Variants in SLC8A3 observed in about 807,000 individuals in gnomAD.
SLC8A3 encodes the protein sodium/calcium exchanger 3.
SLC8A3 carries 37 observed loss-of-function variants against 65.4 expected under a neutral mutation model. The ratio of observed to expected loss-of-function variants is 0.57; its 90% CI spans 0.44 to 0.74. SLC8A3 has a LOEUF of 0.74. Ranked by LOEUF, SLC8A3 falls within the 30% of genes least tolerant of loss-of-function variation. The probability of loss-of-function intolerance (pLI) is 0.00; values close to 1 mark genes in which losing one functional copy is unlikely to be tolerated. For synonymous variants in SLC8A3, 461 were observed against 444.5 expected (o/e 1.04, Z -0.47); for missense variants, 1,112 against 1,172.1 (o/e 0.95, Z 0.75).
At chr14:70,121,370 A>C (rs17175527) in intron 2 of SLC8A3, among the ~76,000 whole-genome samples, 16,096 of 151,490 alleles carry the variant, frequency 0.11, 1,147 homozygotes, top group Non-Finnish European at 0.16. Context: ...TGCTTCAAAA[A>C]CCTCTGGATT....
intron 1 of SLC8A3, among the ~76,000 whole-genome samples, chr14:70,171,258 T>G (rs1033968322): frequency 2.0e-4 from 30 of 152,150 alleles, no homozygotes; most frequent in African/African-American, 7.2e-4. Flanking sequence ...AGAGCCGGTC[T>G]TCCAGAGTGA....
chr14:70,105,152 A>G (rs1462701526), intron 2 of SLC8A3, among the ~76,000 whole-genome samples: 1 of 151,962 alleles, frequency 6.6e-6, no homozygotes, highest in Non-Finnish European at 1.5e-5. Flanking sequence ...ACGTGGTGAA[A>G]CCCCGTCTCT....
At chr14:70,186,180 CT>C (rs1390930849) in intron 1 of SLC8A3, among the ~76,000 whole-genome samples, 5 of 151,096 alleles carry the variant, frequency 3.3e-5, no homozygotes, top group South Asian at 2.1e-4. Flanking sequence ...GCTTTTCCCC[CT>C]TTTTTTCGTC....
chr14:70,167,999 C>G lies in SLC8A3; in HGVS notation c.424G>C (p.Gly142Arg). 1 of 1,614,074 alleles carries G rather than the reference C, an allele frequency of 6.2e-7. No homozygotes were observed. Among genetic ancestry groups the G allele is most frequent in the Non-Finnish European group, 8.5e-7 (1 of 1,180,004 alleles). The change falls in exon 2 of 7, where the codon GGT (glycine) becomes CGT (arginine). Residue 142 changes from glycine to arginine, a missense_variant. Gly to Arg is a moderately radical substitution (Grantham distance 125). Coordinates refer to ENST00000356921, the MANE Select transcript of SLC8A3 (RefSeq NM_182932.3). ...TVSNLTLMAL[G>R]SSAPEILLSL... ...AGGAGTATCTCAGGAGCAGAGGAAC[C>G]CAGGGCCATAAGGGTCAGGTTGGAG...
intron 2 of SLC8A3, among the ~76,000 whole-genome samples, chr14:70,154,305 A>G (rs1458235695): frequency 6.6e-6 from 1 of 152,242 alleles, no homozygotes; most frequent in African/African-American, 2.4e-5. Context: ...TATTTTTATT[A>G]TTAAAGAAAT....
At position 70,085,382 on chromosome 14, in the gene SLC8A3, T is replaced by C. The variant is rs186684576; in HGVS notation, c.1785-24443A>G. On this transcript the variant is annotated intron_variant, in intron 2 of 6. Coordinates refer to ENST00000356921, the MANE Select transcript of SLC8A3 (RefSeq NM_182932.3). ...TTCCTTCTATGCATTCTCCTTGGACTGTACTGGTATTGCCATGAAGGTGAA... is the reference window on the plus strand; with the variant it reads ...TTCCTTCTATGCATTCTCCTTGGACCGTACTGGTATTGCCATGAAGGTGAA... 4.2e-3 allele frequency among the ~76,000 whole-genome samples: 647 copies of C among 152,350 alleles called. 2 individuals carry two copies. Among genetic ancestry groups the C allele is most frequent in the Non-Finnish European group, 7.2e-3 (491 of 68,028 alleles).
chr14:70,163,490 C>T (rs986132638), intron 2 of SLC8A3, among the ~76,000 whole-genome samples: 5 of 152,082 alleles, frequency 3.3e-5, no homozygotes, highest in Non-Finnish European at 7.4e-5. Context: ...TTCAATACTA[C>T]CAGGCTTGGT....
chr14:70,172,150 T>TC (rs1897586896), intron 1 of SLC8A3, among the ~76,000 whole-genome samples: 1 of 151,172 alleles, frequency 6.6e-6, no homozygotes, highest in African/African-American at 2.5e-5. Flanking sequence ...TTGAGATCTT[T>TC]TCCCCCACCC....
In SLC8A3 at chr14:70,168,468, C is replaced by T. The variant is rs1313246109; in HGVS notation, c.-46G>A. The T allele has an allele frequency of 6.7e-7, 1 of 1,487,508 alleles. No homozygotes were observed. Among genetic ancestry groups the T allele is most frequent in the East Asian group, 2.3e-5 (1 of 43,174 alleles). The allele number at this position is 1,487,508 out of a possible 1,614,324, so 92.1% of individuals were successfully genotyped here. A position where few individuals can be genotyped will look rare whatever the true frequency, so the allele number is the denominator to read the frequency against. ...CTTCTATTGCAGCACCAGTTGTCCT[C>T]CTGATAGGCCAGAGACCTAGAAAAG... On this transcript the variant is annotated 5_prime_UTR_variant, in exon 2 of 7. Coordinates refer to ENST00000356921, the MANE Select transcript of SLC8A3 (RefSeq NM_182932.3).
intron 2 of SLC8A3, among the ~76,000 whole-genome samples, chr14:70,095,143 G>A (rs1460386882): frequency 1.3e-5 from 2 of 152,226 alleles, no homozygotes; most frequent in Admixed American, 6.5e-5. Flanking sequence ...TTTTGGAGAT[G>A]AGTATTCAAA....
chr14:70,159,403 ACT>A (rs1313957862), intron 2 of SLC8A3, among the ~76,000 whole-genome samples: 1 of 101,358 alleles, frequency 9.9e-6, no homozygotes, highest in African/African-American at 3.9e-5. Flanking sequence ...ACAGAGCAAG[ACT>A]CTGTCAAAAA....
chr14:70,184,204 T>C (rs1029632744), intron 1 of SLC8A3, among the ~76,000 whole-genome samples: 4 of 152,142 alleles, frequency 2.6e-5, no homozygotes, highest in Admixed American at 6.5e-5. Context: ...GCCGGGACCA[T>C]ACACCTGGGT....
rs572397946 is a variant in SLC8A3, at chr14:70,101,965, C to A, written c.1785-41026G>T. Among the ~76,000 whole-genome samples, 5 of 152,250 alleles carry A rather than the reference C, an allele frequency of 3.3e-5. No individual in the cohort carries two copies. In the South Asian group the frequency reaches 1.0e-3, roughly 32 times the overall value. ...AAGATAGGGTCCCTAGAAAAGGAGG[C>A]TATACTTGACGTTTAGCTTCCTAAA... On this transcript the variant is annotated intron_variant, in intron 2 of 6. Transcript: ENST00000356921.
intron 2 of SLC8A3, among the ~76,000 whole-genome samples, chr14:70,095,912 C>T (rs886538653): frequency 1.6e-4 from 25 of 151,816 alleles, no homozygotes; most frequent in Admixed American, 1.6e-3. Flanking sequence ...GGTGGAATCT[C>T]GCTCTGTCAC....
chr14:70,122,070 C>T (rs1348738862), intron 2 of SLC8A3, among the ~76,000 whole-genome samples: 1 of 152,120 alleles, frequency 6.6e-6, no homozygotes, highest in Admixed American at 6.5e-5. Flanking sequence ...CTATCCCTGT[C>T]CCACCAGGAT....
chr14:70,165,520 C>T (rs77349235), intron 2 of SLC8A3, among the ~76,000 whole-genome samples: 7,188 of 152,310 alleles, frequency 0.047, 217 homozygotes, highest in Middle Eastern at 0.075. Flanking sequence ...TTCACACCAT[C>T]TCCTGCCACG....
Position 70,045,937 on chromosome 14 carries a change from G to A in SLC8A3, c.*10C>T. 1.3e-6 allele frequency: 2 copies of A among 1,574,468 alleles called. No individual in the cohort carries two copies. The highest frequency in any genetic ancestry group is 1.7e-6 in the Non-Finnish European group (2 of 1,156,446). ...CTAGGCCTGCCCTGCTGGAGGCTCT[G>A]TTGTGTGGCTTAGAACCCCTTGATG... is the stretch of plus-strand genomic sequence containing the variant. On this transcript the variant is annotated 3_prime_UTR_variant, in exon 7 of 7. Coordinates refer to ENST00000356921, the MANE Select transcript of SLC8A3 (RefSeq NM_182932.3).
rs768794680 is a variant in SLC8A3, at chr14:70,060,863, G to A, written c.1861C>T (p.Pro621Ser). 3 of 1,526,216 alleles carry A rather than the reference G, an allele frequency of 2.0e-6. No homozygotes were observed. Among genetic ancestry groups the A allele is most frequent in the Non-Finnish European group, 8.8e-7 (1 of 1,132,402 alleles). 94.5% of individuals were successfully genotyped at this position (1,526,216 alleles called of 1,614,324 possible). ...GATATTCCACGTTCCATCCATTTCG[G>A]TTCACCAAGGGCAATGAAGAAATTC... ...QENFFIALGEPKWMERGISDV... is the reference protein window; with the variant it reads ...QENFFIALGESKWMERGISDV... The change falls in exon 3 of 7, where the codon CCG becomes TCG. Residue 621 changes from proline to serine, a missense_variant. By Grantham distance (74) the Pro-to-Ser change is moderately conservative (BLOSUM62 -1). Transcript: ENST00000356921.
chr14:70,073,729 A>G (rs1890218659), intron 2 of SLC8A3, among the ~76,000 whole-genome samples: 1 of 152,178 alleles, frequency 6.6e-6, no homozygotes, highest in South Asian at 2.1e-4. Context: ...AATTTGATCC[A>G]AGTAGAAAAG....
Sources: gnomAD v4.1 joint callset for allele counts (sites outside exome capture counted in the v4.1 genomes callset) on GRCh38, gnomAD v4.1.1 for gene constraint, MANE v1.5 for transcripts, NCBI Gene and HGNC (gene_info 2026-07-23, HGNC 2026-07-21) for gene names.